The following ARHGAP23 variants were observed in gnomAD, a reference collection of about 807,000 sequenced individuals.
The protein encoded by ARHGAP23 is Rho GTPase activating protein 23, also known as rho GTPase-activating protein 23.
A neutral mutation model predicts 136.3 loss-of-function variants in ARHGAP23; 34 were observed. That is an observed-to-expected ratio of 0.25 (90% CI 0.19 to 0.33). ARHGAP23 has a LOEUF of 0.33. Ranked by LOEUF, ARHGAP23 falls within the 10% of genes least tolerant of loss-of-function variation. The probability of loss-of-function intolerance (pLI) is 1.00; values close to 1 mark genes in which losing one functional copy is unlikely to be tolerated. For missense variants in ARHGAP23, 1,808 were observed against 2,139.0 expected, an observed-to-expected ratio of 0.85 and a Z score of 3.05; for synonymous variants, 832 against 920.5, an observed-to-expected ratio of 0.90 and a Z score of 1.74.
intron 1 of ARHGAP23, chr17:38,457,650 CTG>C (rs1485695194): frequency 1.0e-5 from 2 of 194,168 alleles, no homozygotes; most frequent in Non-Finnish European, 2.1e-5. Flanking sequence ...GTGGCTGGGG[CTG>C]TGTCTGCATA....
intron 2 of ARHGAP23, among the ~76,000 whole-genome samples, chr17:38,459,146 C>T (rs1433126649): frequency 6.6e-6 from 1 of 152,128 alleles, no homozygotes; most frequent in East Asian, 1.9e-4. Flanking sequence ...GTGAATGAAC[C>T]CCTCTATCCA....
intron 3 of ARHGAP23, 76 bp from the exon 4 acceptor site, chr17:38,462,770 G>A: frequency 9.8e-7 from 1 of 1,024,004 alleles, no homozygotes; most frequent in Non-Finnish European, 1.4e-6. Flanking sequence ...CTGAGTGTGT[G>A]TCCCCTGTGT....
intron 16 of ARHGAP23, 52 bp from the exon 17 acceptor site, chr17:38,486,010 C>T (rs2040152055): frequency 6.7e-7 from 1 of 1,501,508 alleles, no homozygotes; most frequent in Non-Finnish European, 9.1e-7. Context: ...ATCGTGGAGG[C>T]ATGGGCATCG....
intron 1 of ARHGAP23, among the ~76,000 whole-genome samples, chr17:38,455,570 AC>A (rs1179187835): frequency 6.6e-6 from 1 of 151,840 alleles, no homozygotes; most frequent in Non-Finnish European, 1.5e-5. Flanking sequence ...GCGTGCGGGG[AC>A]CTGTCCCAGC....
At position 38,432,821 on chromosome 17, in the gene ARHGAP23, C is replaced by T. The variant is rs180957272; in HGVS notation, c.63+4273C>T. Among the ~76,000 whole-genome samples the T allele has an allele frequency of 3.7e-4, 56 of 152,214 alleles. 1 individual carries two copies. Among genetic ancestry groups the T allele is most frequent in the Admixed American group, 3.3e-3 (51 of 15,284 alleles). ...TCCAGCCTGGGCAACATAATGAGAC[C>T]CTGTCTCAAAAAACCAAACCAAACG... is the stretch of plus-strand genomic sequence containing the variant. On this transcript the variant is annotated intron_variant, in intron 1 of 23. Transcript: ENST00000622683.
intron 10 of ARHGAP23, among the ~76,000 whole-genome samples, chr17:38,470,644 C>T (rs2039729127): frequency 6.6e-6 from 1 of 152,052 alleles, no homozygotes; most frequent in Non-Finnish European, 1.5e-5. Context: ...TCAAGCTATT[C>T]TCCTGCCTCA....
chr17:38,434,985 G>A lies in ARHGAP23; in HGVS notation c.63+6437G>A, dbSNP rs150248523. ...CTTATGCTCAAGGTGGAGGAACTCT[G>A]TATTGTTCCTGAAAAGGGACAGAAG... On this transcript the variant is annotated intron_variant, in intron 1 of 23. Transcript: ENST00000622683. Among the ~76,000 whole-genome samples the A allele has an allele frequency of 2.9e-3, 444 of 152,308 alleles. 2 individuals carry two copies. Among genetic ancestry groups the A allele is most frequent in the African/African-American group, 9.8e-3 (406 of 41,582 alleles).
intron 1 of ARHGAP23, among the ~76,000 whole-genome samples, chr17:38,436,694 G>A (rs1454544567): frequency 1.3e-5 from 2 of 152,238 alleles, no homozygotes; most frequent in Non-Finnish European, 2.9e-5. Flanking sequence ...AGAACCATGA[G>A]TTCTAAGATT....
intron 23 of ARHGAP23, among the ~76,000 whole-genome samples, chr17:38,506,097 G>T (rs1316113256): frequency 6.6e-6 from 1 of 152,216 alleles, no homozygotes; most frequent in Non-Finnish European, 1.5e-5. Context: ...TTGTTTGGCA[G>T]AAGGTGTCAG....
intron 1 of ARHGAP23, among the ~76,000 whole-genome samples, chr17:38,421,654 G>A (rs1292281024): frequency 2.0e-5 from 3 of 152,356 alleles, no homozygotes; most frequent in East Asian, 1.9e-4. Flanking sequence ...AATCTCTCAC[G>A]GGGGCTGGAA....
intron 1 of ARHGAP23, among the ~76,000 whole-genome samples, chr17:38,453,335 G>A (rs1463348156): frequency 6.6e-6 from 1 of 151,894 alleles, no homozygotes; most frequent in Non-Finnish European, 1.5e-5. Context: ...TACAGAGTGG[G>A]TAGGGTGTGC....
In ARHGAP23 at chr17:38,458,264, G is replaced by T; in HGVS notation, c.225+1G>T. ...GTCGGCCGTGCACTGCAGCCTGAAGGTATGCCCGGCTCGCCGCTGCCCTGG... is the reference window on the plus strand; with the variant it reads ...GTCGGCCGTGCACTGCAGCCTGAAGTTATGCCCGGCTCGCCGCTGCCCTGG... On this transcript the variant is annotated splice_donor_variant, in intron 2 of 23. Coordinates refer to ENST00000622683, the MANE Select transcript of ARHGAP23 (RefSeq NM_001199417.2). LOFTEE classifies it high-confidence loss of function. 6.6e-7 allele frequency: 1 copy of T among 1,516,340 alleles called. No individual in the cohort carries two copies. The highest frequency in any genetic ancestry group is 8.8e-7 in the Non-Finnish European group (1 of 1,135,136). 93.9% of individuals were successfully genotyped at this position (1,516,340 alleles called of 1,614,324 possible). A position where few individuals can be genotyped will look rare whatever the true frequency, so the allele number is the denominator to read the frequency against.
chr17:38,463,450 G>A, intron 6 of ARHGAP23, 68 bp downstream of exon 6: 4 of 1,527,938 alleles, frequency 2.6e-6, no homozygotes, highest in Non-Finnish European at 3.6e-6. Flanking sequence ...TCCCCTGGGA[G>A]GCAGAGAAGG....
chr17:38,485,577 G>A (rs1484877809), intron 16 of ARHGAP23, among the ~76,000 whole-genome samples: 1 of 152,202 alleles, frequency 6.6e-6, no homozygotes, highest in African/African-American at 2.4e-5. Flanking sequence ...GAAGGTGGCT[G>A]CTTTAGCTAT....
At chr17:38,446,695 T>C (rs1190606072) in intron 1 of ARHGAP23, among the ~76,000 whole-genome samples, 2 of 151,100 alleles carry the variant, frequency 1.3e-5, no homozygotes, top group African/African-American at 4.9e-5. Flanking sequence ...CACTGCAACC[T>C]CCGCCTCCCT....
intron 23 of ARHGAP23, among the ~76,000 whole-genome samples, chr17:38,507,270 G>A (rs555276838): frequency 0.012 from 332 of 28,084 alleles, 1 homozygote; most frequent in African/African-American, 0.047. Context: ...GGGAGACTCC[G>A]TCTCAAAATA....
At chr17:38,483,843 G>A (rs552647819) in intron 16 of ARHGAP23, among the ~76,000 whole-genome samples, 6 of 152,160 alleles carry the variant, frequency 3.9e-5, no homozygotes, top group Non-Finnish European at 8.8e-5. Context: ...GAAGCCTTTC[G>A]GGGTGTGAGA....
intron 20 of ARHGAP23, among the ~76,000 whole-genome samples, chr17:38,493,771 C>T (rs1025195258): frequency 2.6e-5 from 4 of 152,206 alleles, no homozygotes; most frequent in African/African-American, 7.2e-5. Context: ...AGAGGAACAG[C>T]GACTTGCCCA....
chr17:38,432,880 G>A (rs1181365920), intron 1 of ARHGAP23, among the ~76,000 whole-genome samples: 2 of 152,128 alleles, frequency 1.3e-5, no homozygotes, highest in African/African-American at 4.8e-5. Context: ...TCAGCCTGCT[G>A]AGGTCCAAAT....
Sources: gnomAD v4.1 joint callset for allele counts (sites outside exome capture counted in the v4.1 genomes callset) on GRCh38, gnomAD v4.1.1 for gene constraint, MANE v1.5 for transcripts, NCBI Gene and HGNC (gene_info 2026-07-23, HGNC 2026-07-21) for gene names.